The following DIS3L2 variants were observed in gnomAD, a reference collection of about 807,000 sequenced individuals.
DIS3L2 encodes DIS3-like exonuclease 2.
In DIS3L2, 34 loss-of-function variants were observed where a neutral mutation model predicts 97.5. The ratio of observed to expected loss-of-function variants is 0.35; its 90% CI spans 0.27 to 0.46. DIS3L2 has a LOEUF of 0.46. Among genes scored for constraint, DIS3L2 ranks in the 20% least tolerant of loss-of-function variants. The pLI is 1.00. For synonymous variants in DIS3L2, 435 were observed against 445.2 expected, an observed-to-expected ratio of 0.98 and a Z score of 0.29; for missense variants, 1,038 against 1,146.0, an observed-to-expected ratio of 0.91 and a Z score of 1.36.
At chr2:232,329,785 T>TCCCCGGGGGGGGCCCCC in intron 14 of DIS3L2, 28 bp from the exon 15 acceptor site, 161 of 966,918 alleles carry the variant, frequency 1.7e-4, no homozygotes, top group East Asian at 1.9e-4. Context: ...ACCCCAGCGG[T>TCCCCGGGGGGGGCCCCC]CCCTCCCATC....
chr2:232,334,291 C>T, intron 17 of DIS3L2, 78 bp from the exon 18 acceptor site: 2 of 1,512,704 alleles, frequency 1.3e-6, no homozygotes, highest in Admixed American at 1.9e-5. Context: ...GGGTGCAGCG[C>T]CATGCAGCCC....
At chr2:232,341,896 C>T (rs1327396456), downstream of DIS3L2, among the ~76,000 whole-genome samples, 1 of 152,186 alleles carries the variant, frequency 6.6e-6, no homozygotes, top group African/African-American at 2.4e-5. Flanking sequence ...ACTCTCAGCC[C>T]ACAGCCAGCA....
intron 3 of DIS3L2, among the ~76,000 whole-genome samples, chr2:232,021,002 A>G (rs551584458): frequency 6.6e-6 from 1 of 152,270 alleles, no homozygotes; most frequent in Non-Finnish European, 1.5e-5. Flanking sequence ...ATCTGGAAAT[A>G]TGTATTTTAT....
intron 6 of DIS3L2, among the ~76,000 whole-genome samples, chr2:232,088,351 C>G (rs1219245959): frequency 6.7e-6 from 1 of 148,420 alleles, no homozygotes; most frequent in Non-Finnish European, 1.5e-5. Flanking sequence ...TCAAGACCAT[C>G]CTGGCTAACA....
chr2:232,204,196 T>C lies in DIS3L2; in HGVS notation c.1125-6130T>C, dbSNP rs1224066320. On this transcript the variant is annotated intron_variant, in intron 9 of 20. Transcript: ENST00000325385. ...GAATAATGACAAAGTGGTGAGTAAATGTTGCTGTGGCGACTAGACAGCTTC... is the reference window on the plus strand; with the variant it reads ...GAATAATGACAAAGTGGTGAGTAAACGTTGCTGTGGCGACTAGACAGCTTC... Among the ~76,000 whole-genome samples, 4 of 152,202 alleles carry C rather than the reference T, an allele frequency of 2.6e-5. No individual in the cohort carries two copies. In the East Asian group the frequency reaches 7.7e-4, roughly 29 times the overall value.
intron 6 of DIS3L2, among the ~76,000 whole-genome samples, chr2:232,088,699 G>A (rs1440241985): frequency 6.6e-6 from 1 of 152,024 alleles, no homozygotes; most frequent in Non-Finnish European, 1.5e-5. Context: ...TGAAATCTAA[G>A]CCATGGGCCC....
At chr2:232,081,486 C>CT (rs11314611) in intron 5 of DIS3L2, among the ~76,000 whole-genome samples, 2,437 of 149,286 alleles carry the variant, frequency 0.016, 25 homozygotes, top group Non-Finnish European at 0.021. Context: ...TACCGAAAGC[C>CT]TTTTTTTTTT....
chr2:232,062,093 C>T (rs1007200275), intron 5 of DIS3L2, among the ~76,000 whole-genome samples: 4 of 136,888 alleles, frequency 2.9e-5, no homozygotes, highest in African/African-American at 5.3e-5. Context: ...AGCTACGGGG[C>T]GGGCTGGGTT....
chr2:232,162,993 A>G (rs906903077), intron 8 of DIS3L2, among the ~76,000 whole-genome samples: 1 of 152,176 alleles, frequency 6.6e-6, no homozygotes, highest in Non-Finnish European at 1.5e-5. Context: ...CAATGAACGT[A>G]TATTACTTTT....
chr2:232,233,278 G>A (rs1692846038), intron 10 of DIS3L2, among the ~76,000 whole-genome samples: 1 of 152,218 alleles, frequency 6.6e-6, no homozygotes, highest in Non-Finnish European at 1.5e-5. Context: ...AGATCAAGAT[G>A]CTGGCAGATC....
At chr2:232,206,122 C>T (rs1574945163) in intron 9 of DIS3L2, among the ~76,000 whole-genome samples, 1 of 152,158 alleles carries the variant, frequency 6.6e-6, no homozygotes, top group Non-Finnish European at 1.5e-5. Context: ...CAAAGGTGCT[C>T]CCTTGAGGAA....
chr2:232,302,196 T>C (rs1694874657), intron 14 of DIS3L2, among the ~76,000 whole-genome samples: 1 of 151,788 alleles, frequency 6.6e-6, no homozygotes, highest in African/African-American at 2.4e-5. Flanking sequence ...ATGAGAACAC[T>C]TGGACACAGG....
intron 4 of DIS3L2, among the ~76,000 whole-genome samples, chr2:232,028,659 C>T (rs2106238060): frequency 6.6e-6 from 1 of 152,178 alleles, no homozygotes; most frequent in Non-Finnish European, 1.5e-5. Flanking sequence ...TTTTTCATTC[C>T]AAGGAGGTCT....
chr2:232,258,559 GGTGACAGA>G (rs554856498), intron 12 of DIS3L2, among the ~76,000 whole-genome samples: 42 of 147,496 alleles, frequency 2.8e-4, no homozygotes, highest in Middle Eastern at 3.5e-3. Flanking sequence ...ACTCCAACCT[GGTGACAGA>G]GTGACAGAGT....
chr2:231,999,092 C>T (rs544147029), intron 1 of DIS3L2, among the ~76,000 whole-genome samples: 1 of 152,200 alleles, frequency 6.6e-6, no homozygotes, highest in East Asian at 1.9e-4. Flanking sequence ...CCTCTTGCAA[C>T]TGTTTAACTC....
chr2:232,080,428 TCAC>T (rs1696353124), intron 5 of DIS3L2, among the ~76,000 whole-genome samples: 2 of 152,252 alleles, frequency 1.3e-5, no homozygotes, highest in African/African-American at 4.8e-5. Context: ...CTGCATGAAA[TCAC>T]CTAAGAAGTG....
At chr2:232,002,646 T>C (rs1472454535) in intron 1 of DIS3L2, among the ~76,000 whole-genome samples, 1 of 152,246 alleles carries the variant, frequency 6.6e-6, no homozygotes, top group Non-Finnish European at 1.5e-5. Context: ...GTTGCTTTTT[T>C]TTGAGATGTG....
chr2:232,063,686 T>G (rs1010130184), intron 5 of DIS3L2, among the ~76,000 whole-genome samples: 6 of 152,166 alleles, frequency 3.9e-5, no homozygotes, highest in Admixed American at 3.3e-4. Flanking sequence ...TGCCTTCATT[T>G]CCTAAAGCTT....
chr2:232,148,748 CTT>C (rs34837114), intron 8 of DIS3L2, among the ~76,000 whole-genome samples: 8,212 of 98,802 alleles, frequency 0.083, 661 homozygotes, highest in East Asian at 0.48. Flanking sequence ...AATTTTCTTT[CTT>C]TTTTTTTTTT....
Sources: gnomAD v4.1 joint callset for allele counts (sites outside exome capture counted in the v4.1 genomes callset) on GRCh38, gnomAD v4.1.1 for gene constraint, MANE v1.5 for transcripts, NCBI Gene and HGNC (gene_info 2026-07-23, HGNC 2026-07-21) for gene names.